Variants in MRPS28 observed in about 807,000 individuals in gnomAD.
MRPS28 encodes the protein mitochondrial ribosomal protein S28.
A neutral mutation model predicts 10.8 loss-of-function variants in MRPS28; 7 were observed. That is an observed-to-expected ratio of 0.65 (90% CI 0.37 to 1.22). The LOEUF (loss-of-function observed/expected upper bound fraction) is 1.22. MRPS28 is among the 50% of genes most tolerant of loss of function. MRPS28 has a pLI of 0.02. For synonymous variants in MRPS28, 121 were observed against 93.3 expected, an observed-to-expected ratio of 1.30 and a Z score of -1.71; for missense variants, 265 against 232.9, an observed-to-expected ratio of 1.14 and a Z score of -0.90.
intron 2 of MRPS28, among the ~76,000 whole-genome samples, chr8:79,933,946 C>G (rs10108547): frequency 0.13 from 19,241 of 152,140 alleles, 2,627 homozygotes; most frequent in African/African-American, 0.35. Context: ...GTAATGCTCT[C>G]AGATTGGACT....
At chr8:79,960,446 G>A (rs757819004) in intron 2 of MRPS28, among the ~76,000 whole-genome samples, 14 of 152,074 alleles carry the variant, frequency 9.2e-5, no homozygotes, top group African/African-American at 2.7e-4. Flanking sequence ...AAAGCACTTC[G>A]ATATGCTTTC....
At chr8:80,005,968 C>T (rs945596101) in intron 1 of MRPS28, among the ~76,000 whole-genome samples, 3 of 152,160 alleles carry the variant, frequency 2.0e-5, no homozygotes, top group African/African-American at 7.2e-5. Context: ...AATACAGGAG[C>T]ACCCAGATTC....
At chr8:80,018,234 C>T (rs1476585253) in intron 1 of MRPS28, among the ~76,000 whole-genome samples, 10 of 137,210 alleles carry the variant, frequency 7.3e-5, no homozygotes, top group Admixed American at 4.9e-4. Context: ...AGGCAGAGCT[C>T]GCAGTGAGCC....
At chr8:79,929,483 G>A (rs909186764) in intron 2 of MRPS28, among the ~76,000 whole-genome samples, 1 of 152,096 alleles carries the variant, frequency 6.6e-6, no homozygotes, top group South Asian at 2.1e-4. Context: ...ATGAGGAATT[G>A]AAGGGAAGGA....
At chr8:80,028,645 C>CGGGCGGGGGGTGGGG in intron 1 of MRPS28, 1 of 3,332 alleles carries the variant, frequency 3.0e-4, no homozygotes, top group Admixed American at 4.8e-3. Context: ...AAGCAGAAGA[C>CGGGCGGGGGGTGGGG]GGGCGGGGGG....
intron 1 of MRPS28, among the ~76,000 whole-genome samples, chr8:80,009,639 A>C (rs1808974837): frequency 6.6e-6 from 1 of 151,838 alleles, no homozygotes; most frequent in African/African-American, 2.4e-5. Context: ...AAAGAAAGAA[A>C]TTAGGCATCT....
At chr8:80,004,630 G>C (rs1431722220) in intron 1 of MRPS28, among the ~76,000 whole-genome samples, 1 of 152,212 alleles carries the variant, frequency 6.6e-6, no homozygotes, top group African/African-American at 2.4e-5. Flanking sequence ...AACAAAGCTG[G>C]ACAGAGAATG....
chr8:79,919,854 T>C (rs1216137735), intron 2 of MRPS28, among the ~76,000 whole-genome samples: 1 of 152,100 alleles, frequency 6.6e-6, no homozygotes, highest in Non-Finnish European at 1.5e-5. Flanking sequence ...ACGTGCAGGT[T>C]TGTTACATAT....
intron 2 of MRPS28, among the ~76,000 whole-genome samples, chr8:79,986,258 A>G (rs1228578505): frequency 5.9e-5 from 9 of 152,376 alleles, no homozygotes; most frequent in African/African-American, 1.9e-4. Context: ...TAAATTAGGT[A>G]TTGATGGGAT....
intron 2 of MRPS28, among the ~76,000 whole-genome samples, chr8:79,997,455 G>C (rs1439358224): frequency 1.3e-5 from 2 of 152,112 alleles, no homozygotes; most frequent in Non-Finnish European, 2.9e-5. Context: ...CCAGTCATGT[G>C]AAAGTAGAAC....
intron 1 of MRPS28, among the ~76,000 whole-genome samples, chr8:80,016,582 A>G (rs778302252): frequency 6.6e-6 from 1 of 152,148 alleles, no homozygotes; most frequent in Non-Finnish European, 1.5e-5. Context: ...AGAAAATTAT[A>G]AAAGTCAAAA....
At chr8:80,022,305 CG>C (rs1809388470) in intron 1 of MRPS28, among the ~76,000 whole-genome samples, 1 of 152,218 alleles carries the variant, frequency 6.6e-6, no homozygotes, top group African/African-American at 2.4e-5. Context: ...TAGTATTCCA[CG>C]GTAAGGATGT....
intron 2 of MRPS28, among the ~76,000 whole-genome samples, chr8:80,002,072 C>T (rs1433516802): frequency 1.3e-5 from 2 of 151,964 alleles, no homozygotes; most frequent in Admixed American, 1.3e-4. Context: ...AAGCTTATGT[C>T]TCTAAATTGG....
chr8:79,938,350 A>G (rs899714947), intron 2 of MRPS28, among the ~76,000 whole-genome samples: 3 of 152,148 alleles, frequency 2.0e-5, no homozygotes, highest in Non-Finnish European at 2.9e-5. Context: ...TCCAAGTGAA[A>G]AACTTTCCCA....
chr8:80,001,921 T>C (rs1026254641), intron 2 of MRPS28, among the ~76,000 whole-genome samples: 8 of 152,164 alleles, frequency 5.3e-5, no homozygotes, highest in African/African-American at 1.9e-4. Flanking sequence ...ACATTGGCCA[T>C]GCTGGGAGTA....
At chr8:79,981,735 C>A (rs746425298) in intron 2 of MRPS28, among the ~76,000 whole-genome samples, 10 of 152,086 alleles carry the variant, frequency 6.6e-5, no homozygotes, top group African/African-American at 1.9e-4. Context: ...AGAGTTGACA[C>A]TACTATAAGT....
chr8:79,954,862 G>A lies in MRPS28; in HGVS notation c.396-35714C>T, dbSNP rs1326713097. Among the ~76,000 whole-genome samples, 4 of 152,138 alleles carry A rather than the reference G, an allele frequency of 2.6e-5. No individual in the cohort carries two copies. In the East Asian group the frequency reaches 7.7e-4, roughly 29 times the overall value. On this transcript the variant is annotated intron_variant, in intron 2 of 2. Transcript: ENST00000276585. ...AAGACTACTGGAAGCTTGGCTGGGT[G>A]CAGAGGTGTGCACCGTAGTCCCAGT...
chr8:79,922,358 G>C (rs1489684194), intron 2 of MRPS28, among the ~76,000 whole-genome samples: 2 of 152,064 alleles, frequency 1.3e-5, no homozygotes, highest in East Asian at 3.9e-4. Flanking sequence ...TTAGTCAAAG[G>C]ATACAAAATT....
intron 2 of MRPS28, among the ~76,000 whole-genome samples, chr8:79,986,406 T>G (rs1448244033): frequency 5.9e-5 from 9 of 152,150 alleles, no homozygotes; most frequent in Non-Finnish European, 1.2e-4. Flanking sequence ...TTCAACATAG[T>G]GTTGGAAGTT....
Sources: allele counts gnomAD v4.1 joint callset (sites outside exome capture counted in the v4.1 genomes callset), GRCh38; gene constraint gnomAD v4.1.1; transcripts MANE v1.5; gene names NCBI Gene and HGNC (gene_info 2026-07-23, HGNC 2026-07-21).